Variants in PTPRB observed in about 807,000 individuals in gnomAD.
The protein encoded by PTPRB is receptor-type tyrosine-protein phosphatase beta.
In PTPRB, 97 loss-of-function variants were observed where a neutral mutation model predicts 238.1. The ratio of observed to expected loss-of-function variants is 0.41; its 90% CI spans 0.35 to 0.48. The LOEUF (loss-of-function observed/expected upper bound fraction) is 0.48. Among genes scored for constraint, PTPRB ranks in the 20% least tolerant of loss-of-function variants. The pLI, the probability that PTPRB is intolerant of heterozygous loss-of-function variation, is 0.30. For synonymous variants in PTPRB, 970 were observed against 995.4 expected, an observed-to-expected ratio of 0.97 and a Z score of 0.48; for missense variants, 2,292 against 2,681.9, an observed-to-expected ratio of 0.85 and a Z score of 3.21.
chr12:70,606,451 T>C (rs1883950250), intron 4 of PTPRB, among the ~76,000 whole-genome samples: 1 of 152,186 alleles, frequency 6.6e-6, no homozygotes, highest in Non-Finnish European at 1.5e-5. Context: ...GGAAAAATAA[T>C]CAGGCCAGTC....
chr12:70,577,262 T>G (rs1880889263), intron 10 of PTPRB, among the ~76,000 whole-genome samples: 1 of 152,208 alleles, frequency 6.6e-6, no homozygotes, highest in African/African-American at 2.4e-5. Flanking sequence ...GTAAGAAGTC[T>G]GGAAGCTGGA....
chr12:70,612,372 TATC>T (rs2136554708), intron 3 of PTPRB, among the ~76,000 whole-genome samples: 1 of 152,352 alleles, frequency 6.6e-6, no homozygotes, highest in South Asian at 2.1e-4. Context: ...AGCTTCCAGA[TATC>T]ATCTTTTCTA....
In PTPRB at chr12:70,590,182, G is replaced by T; in HGVS notation, c.1832C>A (p.Ser611Tyr). 6.2e-7 allele frequency: 1 copy of T among 1,601,166 alleles called. No individual in the cohort carries two copies. Among genetic ancestry groups the T allele is most frequent in the East Asian group, 2.2e-5 (1 of 44,594 alleles). ...LEANNNGRMR[S>Y]LVVSWSPPAG... ...AGGGGGCGACCAGCTCACTACAAGA[G>T]ACCTCATCCTGCCATTATTGTTTGC... The change falls in exon 8 of 34, where the codon TCT (serine) becomes TAT (tyrosine). Residue 611 changes from serine (S) to tyrosine (Y), a missense_variant. By Grantham distance (144) the Ser-to-Tyr change is moderately radical. Transcript: ENST00000334414.
chr12:70,636,503 C>G (rs1335539684), intron 1 of PTPRB, among the ~76,000 whole-genome samples: 1 of 152,090 alleles, frequency 6.6e-6, no homozygotes, highest in Non-Finnish European at 1.5e-5. Context: ...AAAAAGCACC[C>G]CCTTTTCCAG....
At chr12:70,623,557 G>A (rs1204701267) in intron 2 of PTPRB, among the ~76,000 whole-genome samples, 1 of 152,110 alleles carries the variant, frequency 6.6e-6, no homozygotes, top group Non-Finnish European at 1.5e-5. Context: ...GTGAAGCACT[G>A]ATAAGTTCTG....
At chr12:70,580,103 C>G (rs1321911020) in intron 10 of PTPRB, among the ~76,000 whole-genome samples, 1 of 151,782 alleles carries the variant, frequency 6.6e-6, no homozygotes, top group South Asian at 2.1e-4. Context: ...TTTTTATGTT[C>G]TTTCATTGTA....
At chr12:70,598,744 A>G (rs1461789065) in intron 4 of PTPRB, among the ~76,000 whole-genome samples, 2 of 152,222 alleles carry the variant, frequency 1.3e-5, no homozygotes, top group African/African-American at 4.8e-5. Flanking sequence ...CAATACTATC[A>G]TCTACATGTA....
chr12:70,594,578 G>A lies in PTPRB; in HGVS notation c.1405C>T (p.His469Tyr). Reference sequence around the variant, plus strand: ...CCGTGAAAAGCATAGGAAGTAGCATGTTTGTCCACAACACCGCCATGAACT... The same window carrying A: ...CCGTGAAAAGCATAGGAAGTAGCATATTTGTCCACAACACCGCCATGAACT... ...ILVHGGVVDK[H>Y]ATSYAFHGLT... Residue 469 changes from histidine to tyrosine, a missense_variant, in exon 6 of 34, where the codon CAT (histidine) becomes TAT (tyrosine). Physicochemically the swap from His to Tyr is moderately conservative, Grantham distance 83. Around this residue, in one of 4 missense-constraint regions of PTPRB, gnomAD observed 1,205 missense variants for 1,287.8 expected, o/e 0.94. Coordinates refer to ENST00000334414, the MANE Select transcript of PTPRB (RefSeq NM_001109754.4). 6.2e-7 allele frequency: 1 copy of A among 1,614,010 alleles called. No homozygotes were observed. The highest frequency in any genetic ancestry group is 8.5e-7 in the Non-Finnish European group (1 of 1,179,908).
chr12:70,575,301 T>TTCAATG (rs1880556916), intron 11 of PTPRB, among the ~76,000 whole-genome samples: 2 of 152,186 alleles, frequency 1.3e-5, no homozygotes, highest in Non-Finnish European at 1.5e-5. Context: ...TAAGGACCCC[T>TTCAATG]TCAATGTCAG....
chr12:70,540,776 T>G, intron 23 of PTPRB, 82 bp downstream of exon 23: 1 of 989,958 alleles, frequency 1.0e-6, no homozygotes, highest in Non-Finnish European at 1.5e-6. Context: ...TATTTTCCCT[T>G]CTTAGTTTTC....
intron 4 of PTPRB, among the ~76,000 whole-genome samples, chr12:70,602,329 C>T (rs1883580659): frequency 6.6e-6 from 1 of 152,188 alleles, no homozygotes. Flanking sequence ...CCCTCATCCC[C>T]ATGATATTCT....
At chr12:70,564,390 T>C (rs1878946319) in intron 15 of PTPRB, among the ~76,000 whole-genome samples, 1 of 151,784 alleles carries the variant, frequency 6.6e-6, no homozygotes, top group Non-Finnish European at 1.5e-5. Flanking sequence ...TGCATACCTG[T>C]AGTCCCACTC....
rs1299187996 is a variant in PTPRB at position 70,539,031 on chromosome 12, GAGTTTGTA to G, written c.5779-25_5779-18del. ...TTTTAACTCCTGTTAGGTCAAATAT[GAGTTTGTA>G]AGTGGAGAATATGAAATAGAATAAA... On this transcript the variant is annotated intron_variant, in intron 26 of 33. Coordinates refer to ENST00000334414, the MANE Select transcript of PTPRB (RefSeq NM_001109754.4). The G allele has an allele frequency of 1.8e-5, 28 of 1,578,648 alleles. No individual in the cohort carries two copies. The highest frequency in any genetic ancestry group is 2.4e-5 in the Non-Finnish European group (28 of 1,148,822).
chr12:70,591,315 A>G (rs1057080543), intron 7 of PTPRB, among the ~76,000 whole-genome samples: 3 of 152,054 alleles, frequency 2.0e-5, no homozygotes, highest in Non-Finnish European at 4.4e-5. Context: ...CTTACTTCAG[A>G]TCTCTAATAG....
intron 3 of PTPRB, among the ~76,000 whole-genome samples, chr12:70,611,232 T>C (rs185028979): frequency 2.4e-3 from 372 of 152,310 alleles, no homozygotes; most frequent in African/African-American, 8.7e-3. Context: ...TGTGTCTACT[T>C]TGAGGAAAGT....
At chr12:70,552,494 A>AAT (rs1328177368) in intron 21 of PTPRB, among the ~76,000 whole-genome samples, 2 of 146,632 alleles carry the variant, frequency 1.4e-5, no homozygotes, top group Non-Finnish European at 3.0e-5. Context: ...AAAAAAAAAA[A>AAT]AAAAAATAAT....
At chr12:70,563,238 A>G in intron 15 of PTPRB, 131 bp from the exon 16 acceptor site, 1 of 954,382 alleles carries the variant, frequency 1.0e-6, no homozygotes, top group Non-Finnish European at 1.5e-6. Context: ...TAACAATAGG[A>G]AAAGCCAAAA....
chr12:70,589,988 A>C lies in PTPRB; in HGVS notation c.2026T>G (p.Ser676Ala), dbSNP rs1160049260. The change falls in exon 8 of 34, where the codon TCT becomes GCT. Residue 676 changes from serine (S) to alanine (A), a missense_variant. By Grantham distance (99) the Ser-to-Ala change is moderately conservative. This residue lies in a region of PTPRB where 1,205 missense variants were observed against 1,287.8 expected (regional missense o/e 0.94). Transcript: ENST00000334414. The part of the protein sequence containing the change: ...VIVESGNLKN[S>A]ERCQGRTVPL... ...CCTGTCCTGCCTTGGCAACGCTCAG[A>C]ATTCTTCAAATTTCCACTCTCAACA... is the stretch of plus-strand genomic sequence containing the variant. 5 of 1,613,742 alleles carry C rather than the reference A, an allele frequency of 3.1e-6. No homozygotes were observed. The highest frequency in any genetic ancestry group is 4.2e-6 in the Non-Finnish European group (5 of 1,179,858).
intron 19 of PTPRB, 139 bp from the exon 20 acceptor site, chr12:70,555,448 G>A: frequency 1.2e-6 from 1 of 833,368 alleles, no homozygotes; most frequent in South Asian, 1.9e-5. Flanking sequence ...GTTTAATGCT[G>A]TAATCAAGAA....
Sources: gnomAD v4.1 joint callset for allele counts (sites outside exome capture counted in the v4.1 genomes callset) on GRCh38, gnomAD v4.1.1 for gene constraint, gnomAD v4.1.1 regional missense constraint, MANE v1.5 for transcripts, NCBI Gene and HGNC (gene_info 2026-07-23, HGNC 2026-07-21) for gene names.